CARMIL1: variants seen among roughly 807,000 people sequenced by gnomAD.
The protein encoded by CARMIL1 is F-actin-uncapping protein LRRC16A.
Under a neutral mutation model 177.1 loss-of-function variants are expected in CARMIL1, and 90 were observed. That is an observed-to-expected ratio of 0.51 (90% confidence interval 0.43 to 0.61). CARMIL1 has a LOEUF of 0.61. Among genes scored for constraint, CARMIL1 ranks in the 20% least tolerant of loss-of-function variants. The pLI is 0.00. For synonymous variants in CARMIL1, 577 were observed against 606.2 expected (o/e 0.95, Z 0.71); for missense variants, 1,380 against 1,667.0 (o/e 0.83, Z 3.00).
At chr6:25,563,195 C>G (rs1811283381) in intron 29 of CARMIL1, 2 of 984,638 alleles carry the variant, frequency 2.0e-6, no homozygotes. Context: ...TACTTTTCCT[C>G]CCTTAGAAAC....
At chr6:25,526,675 C>A (rs749513238) in intron 23 of CARMIL1, among the ~76,000 whole-genome samples, 8 of 152,030 alleles carry the variant, frequency 5.3e-5, no homozygotes, top group Non-Finnish European at 1.0e-4. Context: ...ACTTCAGCCT[C>A]CCGAGTAGCT....
chr6:25,511,641 C>G (rs1481716504), intron 20 of CARMIL1, among the ~76,000 whole-genome samples: 2 of 152,110 alleles, frequency 1.3e-5, no homozygotes, highest in Admixed American at 6.6e-5. Flanking sequence ...GAAAAAGTAT[C>G]ATTTTCCCTC....
chr6:25,428,302 T>C (rs925551791), intron 4 of CARMIL1, among the ~76,000 whole-genome samples: 28 of 152,192 alleles, frequency 1.8e-4, no homozygotes, highest in African/African-American at 6.3e-4. Context: ...GTTTCCTCAC[T>C]GAGCTTGTTT....
chr6:25,522,047 T>C (rs1253291679), intron 23 of CARMIL1, among the ~76,000 whole-genome samples: 1 of 152,186 alleles, frequency 6.6e-6, no homozygotes, highest in African/African-American at 2.4e-5. Flanking sequence ...TTGACTTTCC[T>C]CTATCATTTC....
chr6:25,471,799 C>T (rs990820758), intron 10 of CARMIL1, among the ~76,000 whole-genome samples: 1 of 152,068 alleles, frequency 6.6e-6, no homozygotes, highest in African/African-American at 2.4e-5. Flanking sequence ...CAGGTTAACA[C>T]TTGCATAGTC....
At position 25,491,960 on chromosome 6, in the gene CARMIL1, C is replaced by T. The variant is rs759891861; in HGVS notation, c.1156C>T (p.Leu386Phe). Residue 386 changes from leucine (L) to phenylalanine (F), a missense_variant, in exon 15 of 37, where the codon CTT becomes TTT. By Grantham distance (22) the Leu-to-Phe change is conservative (BLOSUM62 0). Coordinates refer to ENST00000329474, the MANE Select transcript of CARMIL1 (RefSeq NM_017640.6). The stretch of plus-strand genomic sequence containing the variant: ...ATTTCTTTTTCAGGTCTGTGGAGCT[C>T]TTCTCCGTGGATGCCTTCAATATTT... The part of the protein sequence containing the change: ...ECSLDMVCGA[L>F]LRGCLQYLAV... 2.5e-6 allele frequency: 4 copies of T among 1,613,456 alleles called. No homozygotes were observed. The highest frequency in any genetic ancestry group is 3.4e-6 in the Non-Finnish European group (4 of 1,179,676).
intron 2 of CARMIL1, among the ~76,000 whole-genome samples, chr6:25,393,026 G>A (rs904835338): frequency 6.6e-6 from 1 of 151,692 alleles, no homozygotes; most frequent in Admixed American, 6.6e-5. Context: ...GAAGAAGAGA[G>A]TGGTTTCTTT....
intron 29 of CARMIL1, among the ~76,000 whole-genome samples, chr6:25,574,914 T>C (rs955262879): frequency 2.6e-5 from 4 of 152,182 alleles, no homozygotes; most frequent in Non-Finnish European, 5.9e-5. Context: ...TCTTTGGGAA[T>C]AGAAGAATTT....
chr6:25,586,502 C>T (rs1302472276), intron 31 of CARMIL1, among the ~76,000 whole-genome samples: 4 of 148,570 alleles, frequency 2.7e-5, no homozygotes, highest in South Asian at 2.1e-4. Context: ...CTCCTCACAT[C>T]CCAGACGATG....
rs116026152 is a variant in CARMIL1 at position 25,453,760 on chromosome 6, G to A, written c.614+3049G>A. Reference sequence around the variant, plus strand: ...TTTGTTTTAGAGTTGTTATGAAAACGATTTTGAACCTGTGAACCTCCTGAA... The same window carrying A: ...TTTGTTTTAGAGTTGTTATGAAAACAATTTTGAACCTGTGAACCTCCTGAA... On this transcript the variant is annotated intron_variant, in intron 8 of 36. Coordinates refer to ENST00000329474, the MANE Select transcript of CARMIL1 (RefSeq NM_017640.6). Among the ~76,000 whole-genome samples the A allele has an allele frequency of 5.3e-3, 802 of 152,252 alleles. 7 individuals carry two copies. The highest frequency in any genetic ancestry group is 0.017 in the African/African-American group (702 of 41,548).
intron 36 of CARMIL1, among the ~76,000 whole-genome samples, chr6:25,611,252 G>A (rs1816484530): frequency 6.6e-6 from 1 of 152,210 alleles, no homozygotes; most frequent in South Asian, 2.1e-4. Flanking sequence ...ATAAAAGATG[G>A]TTGGGTTGAG....
rs1554200822 is a variant in CARMIL1 at position 25,459,242 on chromosome 6, C to CTTTCTTTCTTTCTTTCTTTCTTTCTT, written c.615-6627_615-6602dup. On this transcript the variant is annotated intron_variant, in intron 8 of 36. Coordinates refer to ENST00000329474, the MANE Select transcript of CARMIL1 (RefSeq NM_017640.6). ...TCTTTCTTTCTTTCTTTCTTTCTTT[C>CTTTCTTTCTTTCTTTCTTTCTTTCTT]TTTCTTTCTTTCTTTCTTTCTTTCT... Among the ~76,000 whole-genome samples, 490 of 100,776 alleles carry CTTTCTTTCTTTCTTTCTTTCTTTCTT rather than the reference C, an allele frequency of 4.9e-3. 13 individuals carry two copies. The highest frequency in any genetic ancestry group is 7.0e-3 in the South Asian group (17 of 2,440). 66.1% of individuals were successfully genotyped at this position (100,776 alleles called of 152,430 possible). A position where few individuals can be genotyped will look rare whatever the true frequency, so the allele number is the denominator to read the frequency against.
intron 24 of CARMIL1, among the ~76,000 whole-genome samples, chr6:25,532,983 C>T (rs905949217): frequency 6.6e-6 from 1 of 152,050 alleles, no homozygotes; most frequent in Admixed American, 6.6e-5. Context: ...GCCTGCCACT[C>T]GCCAAGCTCT....
chr6:25,576,283 T>C (rs1259238925), intron 29 of CARMIL1, among the ~76,000 whole-genome samples: 1 of 152,068 alleles, frequency 6.6e-6, no homozygotes, highest in Non-Finnish European at 1.5e-5. Context: ...AAAAATTATT[T>C]AGAGATGTAA....
Position 25,581,287 on chromosome 6 carries a change from C to T in CARMIL1, c.2854C>T (p.His952Tyr). The T allele has an allele frequency of 6.2e-7, 1 of 1,613,888 alleles. No individual in the cohort carries two copies. Among genetic ancestry groups the T allele is most frequent in the Non-Finnish European group, 8.5e-7 (1 of 1,179,864 alleles). Residue 952 changes from histidine to tyrosine, a missense_variant, in exon 31 of 37, where the codon CAC becomes TAC. Coordinates refer to ENST00000329474, the MANE Select transcript of CARMIL1 (RefSeq NM_017640.6). ...TAAAGCGCTGGAAGAGGTACCAATTCACATCGAAGACCCGCCCTTCCCATC... is the reference window on the plus strand; with the variant it reads ...TAAAGCGCTGGAAGAGGTACCAATTTACATCGAAGACCCGCCCTTCCCATC... ...LDKALEEVPIHIEDPPFPSLR... is the reference protein window; with the variant it reads ...LDKALEEVPIYIEDPPFPSLR...
chr6:25,409,597 C>T (rs868184148), intron 2 of CARMIL1, among the ~76,000 whole-genome samples: 9 of 152,282 alleles, frequency 5.9e-5, no homozygotes, highest in South Asian at 2.1e-4. Flanking sequence ...TCATCCTCAT[C>T]TATAGCCTCA....
At chr6:25,496,490 A>AC (rs376315930) in intron 16 of CARMIL1, among the ~76,000 whole-genome samples, 1 of 151,332 alleles carries the variant, frequency 6.6e-6, no homozygotes, top group Non-Finnish European at 1.5e-5. Context: ...AAAAAAAAAA[A>AC]CCAGTAGATC....
intron 36 of CARMIL1, among the ~76,000 whole-genome samples, chr6:25,610,696 A>C (rs924878018): frequency 2.0e-5 from 3 of 152,176 alleles, no homozygotes; most frequent in African/African-American, 7.2e-5. Flanking sequence ...GGACATTCTC[A>C]GGGCGACCCT....
intron 17 of CARMIL1, among the ~76,000 whole-genome samples, chr6:25,507,159 G>A (rs1311850038): frequency 6.6e-6 from 1 of 152,146 alleles, no homozygotes; most frequent in African/African-American, 2.4e-5. Context: ...CACACATGCA[G>A]ACAGCCTCTA....
Sources: gnomAD v4.1 joint callset for allele counts (sites outside exome capture counted in the v4.1 genomes callset) on GRCh38, gnomAD v4.1.1 for gene constraint, MANE v1.5 for transcripts, NCBI Gene and HGNC (gene_info 2026-07-23, HGNC 2026-07-21) for gene names.